Variants in OR2L2 observed in about 807,000 individuals in gnomAD.
OR2L2 encodes olfactory receptor 2L2.
For synonymous variants in OR2L2, 156 were observed against 135.4 expected (o/e 1.15, Z -1.06); for missense variants, 378 against 375.2 (o/e 1.01, Z -0.06).
chr1:248,039,820 C>A lies in OR2L2; in HGVS notation c.*614C>A, dbSNP rs574292279. The A allele has an allele frequency of 6.6e-6, 1 of 152,226 alleles. No individual in the cohort carries two copies. The highest frequency in any genetic ancestry group is 2.1e-4 in the South Asian group (1 of 4,816). The allele number at this position is 152,226 out of a possible 1,614,324, so 9.4% of individuals were successfully genotyped here. On this transcript the variant is annotated 3_prime_UTR_variant, in exon 3 of 3. Coordinates refer to ENST00000641771, the MANE Select transcript of OR2L2 (RefSeq NM_001385855.1). ...TTAAATAGTTTTTATTTACTCTCAA[C>A]TGGTATGTATGTCTTCTTCTTTTTC...
At chr1:248,035,306 C>T (rs1248236267) in intron 1 of OR2L2, among the ~76,000 whole-genome samples, 1 of 151,948 alleles carries the variant, frequency 6.6e-6, no homozygotes, top group African/African-American at 2.4e-5. Flanking sequence ...AAAATTTAGC[C>T]AGCTTGGTGG....
chr1:248,031,639 C>T (rs146024808), intron 1 of OR2L2, among the ~76,000 whole-genome samples: 12 of 152,264 alleles, frequency 7.9e-5, no homozygotes, highest in Middle Eastern at 3.4e-3. Context: ...AGGCAATCTC[C>T]TAGTGGGAGG....
Position 248,042,263 on chromosome 1 carries a change from C to A in OR2L2, c.*3057C>A, listed in dbSNP as rs1662970925. ...ACTAAACTATCACAAGAACAAAAAA[C>A]CAAACACCGCATATTCTCACTCATA... is the stretch of plus-strand genomic sequence containing the variant. On this transcript the variant is annotated 3_prime_UTR_variant, in exon 3 of 3. Transcript: ENST00000641771. 6.7e-6 allele frequency: 1 copy of A among 149,560 alleles called. No homozygotes were observed. The highest frequency in any genetic ancestry group is 1.5e-5 in the Non-Finnish European group (1 of 67,720). 9.3% of individuals were successfully genotyped at this position (149,560 alleles called of 1,614,324 possible).
At position 248,038,734 on chromosome 1, in the gene OR2L2, G is replaced by A; in HGVS notation, c.467G>A (p.Cys156Tyr). 6.2e-7 allele frequency: 1 copy of A among 1,614,084 alleles called. No homozygotes were observed. Among genetic ancestry groups the A allele is most frequent in the Non-Finnish European group, 8.5e-7 (1 of 1,180,006 alleles). ...GSWMISSINS[C>Y]AHTVYALCIP... ...TGGATGATAAGCTCTATCAACTCTT[G>A]TGCTCACACAGTATATGCACTCTGT... Residue 156 changes from cysteine to tyrosine, a missense_variant, in exon 3 of 3, where the codon TGT becomes TAT. Physicochemically the swap from Cys to Tyr is radical, Grantham distance 194. Transcript: ENST00000641771.
intron 1 of OR2L2, among the ~76,000 whole-genome samples, chr1:248,034,542 G>C (rs1474809299): frequency 6.6e-6 from 1 of 152,100 alleles, no homozygotes; most frequent in Non-Finnish European, 1.5e-5. Context: ...AGATTCCATT[G>C]AATCTTTAAG....
rs775501613 is a variant in OR2L2, at chr1:248,039,351, T to C, written c.*145T>C. Reference sequence around the variant, plus strand: ...TTGTCTTTTAATTTAGTCTTGACAATATTATAATACATATTAATACATATT... The same window carrying C: ...TTGTCTTTTAATTTAGTCTTGACAACATTATAATACATATTAATACATATT... On this transcript the variant is annotated 3_prime_UTR_variant, in exon 3 of 3. Transcript: ENST00000641771. The C allele has an allele frequency of 6.9e-6, 4 of 579,724 alleles. No individual in the cohort carries two copies. Among genetic ancestry groups the C allele is most frequent in the Non-Finnish European group, 1.1e-5 (4 of 352,140 alleles). 35.9% of individuals were successfully genotyped at this position (579,724 alleles called of 1,614,324 possible).
rs756666129 is a variant in OR2L2, at chr1:248,038,429, C to CCACA, written c.166_169dup (p.Pro57HisfsTer8). ...TTCTCATCTTTTTGGACATCCATCT[C>CCACA]CACACACCTATGTATTTCCTACTTA... On this transcript the variant is annotated frameshift_variant, in exon 3 of 3. Transcript: ENST00000641771. LOFTEE classifies it low-confidence loss of function (END_TRUNC). The CCACA allele has an allele frequency of 1.2e-6, 2 of 1,613,804 alleles. No homozygotes were observed. The highest frequency in any genetic ancestry group is 2.2e-5 in the South Asian group (2 of 91,074).
chr1:248,033,273 A>G (rs1400716637), intron 1 of OR2L2, among the ~76,000 whole-genome samples: 2 of 152,218 alleles, frequency 1.3e-5, no homozygotes, highest in Admixed American at 1.3e-4. Context: ...TAAAGTAAGC[A>G]TCCAATTTCA....
At chr1:248,032,196 A>G (rs1242070521) in intron 1 of OR2L2, among the ~76,000 whole-genome samples, 7 of 152,294 alleles carry the variant, frequency 4.6e-5, no homozygotes, top group African/African-American at 9.6e-5. Flanking sequence ...ATAATTGAAA[A>G]TAAATTGCTC....
chr1:248,033,670 G>A (rs1416071402), intron 1 of OR2L2, among the ~76,000 whole-genome samples: 1 of 148,732 alleles, frequency 6.7e-6, no homozygotes, highest in African/African-American at 2.5e-5. Context: ...TCAATGTTCT[G>A]AGCTCAAGCA....
chr1:248,033,036 C>T (rs572780552), intron 1 of OR2L2, among the ~76,000 whole-genome samples: 1 of 152,116 alleles, frequency 6.6e-6, no homozygotes, highest in Admixed American at 6.5e-5. Context: ...GTTTGACTTA[C>T]AATATTTTAA....
At chr1:248,035,390 A>T (rs1181212616) in intron 1 of OR2L2, among the ~76,000 whole-genome samples, 160 bp from the exon 2 acceptor site, 2 of 152,094 alleles carry the variant, frequency 1.3e-5, no homozygotes, top group Non-Finnish European at 2.9e-5. Context: ...CGGAGCTTGC[A>T]GTGAGCCGAG....
At position 248,038,630 on chromosome 1, in the gene OR2L2, T is replaced by C. The variant is rs1259072240; in HGVS notation, c.363T>C (p.Arg121=). 6 of 1,614,024 alleles carry C rather than the reference T, an allele frequency of 3.7e-6. No individual in the cohort carries two copies. Among genetic ancestry groups the C allele is most frequent in the Non-Finnish European group, 5.1e-6 (6 of 1,179,980 alleles). Residue 121 remains arginine, a synonymous_variant, in exon 3 of 3, where the codon CGT becomes CGC. Coordinates refer to ENST00000641771, the MANE Select transcript of OR2L2 (RefSeq NM_001385855.1). ...GLLLTSMAYD[R]YVAICFPLHY... is the part of the protein sequence containing the mutation. The stretch of plus-strand genomic sequence containing the variant: ...TCCTGACATCAATGGCCTATGATCG[T>C]TATGTGGCCATTTGCTTTCCTCTCC...
rs1662963609 is a variant in OR2L2 at position 248,042,044 on chromosome 1, A to G, written c.*2838A>G. The G allele has an allele frequency of 6.6e-6, 1 of 152,164 alleles. No individual in the cohort carries two copies. Among genetic ancestry groups the G allele is most frequent in the Admixed American group, 6.5e-5 (1 of 15,270 alleles). The allele number at this position is 152,164 out of a possible 1,614,324, so 9.4% of individuals were successfully genotyped here. A position where few individuals can be genotyped will look rare whatever the true frequency, so the allele number is the denominator to read the frequency against. ...GACTATAAATCATGCTGCTATAAAG[A>G]CACATGCACACCTATGTTTATTGCG... is the stretch of plus-strand genomic sequence containing the variant. On this transcript the variant is annotated 3_prime_UTR_variant, in exon 3 of 3. Transcript: ENST00000641771.
In OR2L2 at chr1:248,039,386, C is replaced by T; in HGVS notation, c.*180C>T. 2.4e-6 allele frequency: 1 copy of T among 424,508 alleles called. No homozygotes were observed. The highest frequency in any genetic ancestry group is 4.0e-6 in the Non-Finnish European group (1 of 249,842). 26.3% of individuals were successfully genotyped at this position (424,508 alleles called of 1,614,324 possible). A position where few individuals can be genotyped will look rare whatever the true frequency, so the allele number is the denominator to read the frequency against. Reference sequence around the variant, plus strand: ...CATATTAATACATATTCTAAGACATCTATTTTGATTTTGTTTGTGTGTGGT... The same window carrying T: ...CATATTAATACATATTCTAAGACATTTATTTTGATTTTGTTTGTGTGTGGT... On this transcript the variant is annotated 3_prime_UTR_variant, in exon 3 of 3. Transcript: ENST00000641771.
In OR2L2 at chr1:248,041,640, A is replaced by C. The variant is rs549452055; in HGVS notation, c.*2434A>C. On this transcript the variant is annotated 3_prime_UTR_variant, in exon 3 of 3. Coordinates refer to ENST00000641771, the MANE Select transcript of OR2L2 (RefSeq NM_001385855.1). ...CAAAGGGCTAATATCCAGAATCTACAATGAACTCAAACAAACTTACAAGAA... is the reference window on the plus strand; with the variant it reads ...CAAAGGGCTAATATCCAGAATCTACCATGAACTCAAACAAACTTACAAGAA... The C allele has an allele frequency of 2.8e-4, 42 of 152,296 alleles. No homozygotes were observed. Among genetic ancestry groups the C allele is most frequent in the African/African-American group, 9.9e-4 (41 of 41,562 alleles). The allele number at this position is 152,296 out of a possible 1,614,324, so 9.4% of individuals were successfully genotyped here.
rs1558192927 is a variant in OR2L2, at chr1:248,038,296, A to T, written c.29A>T (p.Asp10Val). Residue 10 changes from aspartate to valine, a missense_variant, in exon 3 of 3, where the codon GAT becomes GTT. By Grantham distance (152) the Asp-to-Val change is radical. Coordinates refer to ENST00000641771, the MANE Select transcript of OR2L2 (RefSeq NM_001385855.1). Reference sequence around the variant, plus strand: ...GAAAATTACAATCAAACATCAACTGATTTCATCTTATTGGGGCTGTTCCCA... The same window carrying T: ...GAAAATTACAATCAAACATCAACTGTTTTCATCTTATTGGGGCTGTTCCCA... MENYNQTST[D>V]FILLGLFPQS... is the part of the protein sequence containing the mutation. 1 of 1,611,996 alleles carries T rather than the reference A, an allele frequency of 6.2e-7. No homozygotes were observed. Among genetic ancestry groups the T allele is most frequent in the Admixed American group, 1.7e-5 (1 of 59,934 alleles).
rs757433017 is a variant in OR2L2, at chr1:248,039,024, C to A, written c.757C>A (p.Pro253Thr). The A allele has an allele frequency of 3.7e-6, 6 of 1,613,996 alleles. No individual in the cohort carries two copies. Among genetic ancestry groups the A allele is most frequent in the Non-Finnish European group, 5.1e-6 (6 of 1,180,014 alleles). The stretch of plus-strand genomic sequence containing the variant: ...CACTGTAGTGTCCTTCTACTATGCA[C>A]CCTTTGCTTATACCTATGTACGTCC... The part of the protein sequence containing the change: ...HLTVVSFYYA[P>T]FAYTYVRPRS... Residue 253 changes from proline (P) to threonine (T), a missense_variant, in exon 3 of 3, where the codon CCC becomes ACC. Pro to Thr is a conservative substitution (Grantham distance 38). Transcript: ENST00000641771.
At position 248,041,083 on chromosome 1, in the gene OR2L2, G is replaced by A. The variant is rs1037272291; in HGVS notation, c.*1877G>A. The A allele has an allele frequency of 4.6e-5, 7 of 152,260 alleles. No homozygotes were observed. The highest frequency in any genetic ancestry group is 1.0e-4 in the Non-Finnish European group (7 of 68,010). 9.4% of individuals were successfully genotyped at this position (152,260 alleles called of 1,614,324 possible). A position where few individuals can be genotyped will look rare whatever the true frequency, so the allele number is the denominator to read the frequency against. On this transcript the variant is annotated 3_prime_UTR_variant, in exon 3 of 3. Coordinates refer to ENST00000641771, the MANE Select transcript of OR2L2 (RefSeq NM_001385855.1). ...TGTCATAATAATATGAGAAAAGGTAGTAGTTGCCTGATGTTGAAAGATTTA... is the reference window on the plus strand; with the variant it reads ...TGTCATAATAATATGAGAAAAGGTAATAGTTGCCTGATGTTGAAAGATTTA...
Sources: gnomAD v4.1 joint callset for allele counts (sites outside exome capture counted in the v4.1 genomes callset) on GRCh38, gnomAD v4.1.1 for gene constraint, MANE v1.5 for transcripts, NCBI Gene and HGNC (gene_info 2026-07-23, HGNC 2026-07-21) for gene names.